Variants in RACGAP1 observed in about 807,000 individuals in gnomAD.
RACGAP1 encodes rac GTPase-activating protein 1.
RACGAP1 carries 30 observed loss-of-function variants against 78.1 expected under a neutral mutation model. That is an observed-to-expected ratio of 0.38 (90% CI 0.29 to 0.52). RACGAP1 has a LOEUF of 0.52. Ranked by LOEUF, RACGAP1 falls within the 20% of genes least tolerant of loss-of-function variation. The pLI, the probability that RACGAP1 is intolerant of heterozygous loss-of-function variation, is 0.82. For missense variants in RACGAP1, 587 were observed against 777.1 expected, an observed-to-expected ratio of 0.76 and a Z score of 2.91; for synonymous variants, 231 against 264.8, an observed-to-expected ratio of 0.87 and a Z score of 1.24.
intron 2 of RACGAP1, among the ~76,000 whole-genome samples, chr12:50,013,258 AC>A (rs879775099): frequency 2.0e-4 from 31 of 152,326 alleles, no homozygotes; most frequent in Middle Eastern, 6.8e-3. Flanking sequence ...AAGTATTTTC[AC>A]AACTAATATC....
chr12:50,009,321 A>G (rs1354670403), intron 2 of RACGAP1, among the ~76,000 whole-genome samples: 2 of 151,972 alleles, frequency 1.3e-5, no homozygotes, highest in African/African-American at 4.8e-5. Flanking sequence ...ACCCTAAACT[A>G]TGAAGTGCCC....
At chr12:49,991,479 A>ATATATATATATTTATTT (rs1555169074) in intron 15 of RACGAP1, among the ~76,000 whole-genome samples, 1 of 24,094 alleles carries the variant, frequency 4.2e-5, no homozygotes, top group African/African-American at 1.4e-4. Context: ...ATATATATAT[A>ATATATATATATTTATTT]TTTTTTTTTT....
At chr12:50,025,659 GGTTTTTTTT>G, upstream of RACGAP1, 1 of 633,016 alleles carries the variant, frequency 1.6e-6, no homozygotes, top group East Asian at 1.4e-4. Context: ...ACGGTTTTTC[GGTTTTTTTT>G]GTTTTTTTTT....
chr12:50,030,307 C>A (rs1950320154), upstream of RACGAP1, among the ~76,000 whole-genome samples: 1 of 150,806 alleles, frequency 6.6e-6, no homozygotes, highest in Non-Finnish European at 1.5e-5. Flanking sequence ...TATGATTGCA[C>A]CACTGCACTC....
In RACGAP1 at chr12:50,016,871, T is replaced by C. The variant is rs1949713207; in HGVS notation, c.-4-152A>G. Reference sequence around the variant, plus strand: ...TCAAGCTAACAACAGATGTTTTGTGTGATTCTTATTATAAAAACAAACTTG... The same window carrying C: ...TCAAGCTAACAACAGATGTTTTGTGCGATTCTTATTATAAAAACAAACTTG... On this transcript the variant is annotated intron_variant, in intron 1 of 16. Coordinates refer to ENST00000312377, the MANE Select transcript of RACGAP1 (RefSeq NM_001319999.2). 4 of 1,367,534 alleles carry C rather than the reference T, an allele frequency of 2.9e-6. No homozygotes were observed. The South Asian group carries it at 6.4e-5, about 22-fold the overall frequency. The allele number at this position is 1,367,534 out of a possible 1,614,324, so 84.7% of individuals were successfully genotyped here. A position where few individuals can be genotyped will look rare whatever the true frequency, so the allele number is the denominator to read the frequency against.
At position 50,008,504 on chromosome 12, in the gene RACGAP1, T is replaced by A. The variant is rs555438468; in HGVS notation, c.86-1868A>T. Among the ~76,000 whole-genome samples the A allele has an allele frequency of 6.6e-5, 10 of 150,968 alleles. No individual in the cohort carries two copies. In the East Asian group the frequency reaches 2.0e-3, roughly 30 times the overall value. On this transcript the variant is annotated intron_variant, in intron 2 of 16. Coordinates refer to ENST00000312377, the MANE Select transcript of RACGAP1 (RefSeq NM_001319999.2). ...GTTAGCCACTGTGCCCAGCCTACTTTTCACTTTTGAGACAGTCTTCCTCTG... is the reference window on the plus strand; with the variant it reads ...GTTAGCCACTGTGCCCAGCCTACTTATCACTTTTGAGACAGTCTTCCTCTG...
chr12:50,005,429 C>T lies in RACGAP1; in HGVS notation c.289-37G>A. The T allele has an allele frequency of 6.2e-7, 1 of 1,609,408 alleles. No individual in the cohort carries two copies. The highest frequency in any genetic ancestry group is 8.5e-7 in the Non-Finnish European group (1 of 1,177,762). Reference sequence around the variant, plus strand: ...AGCAAAGTAAAACATCATAACTAGCCAGGGGAGAAAGCTTCACCTCAAGTT... The same window carrying T: ...AGCAAAGTAAAACATCATAACTAGCTAGGGGAGAAAGCTTCACCTCAAGTT... On this transcript the variant is annotated intron_variant, in intron 3 of 16. Coordinates refer to ENST00000312377, the MANE Select transcript of RACGAP1 (RefSeq NM_001319999.2).
intron 2 of RACGAP1, among the ~76,000 whole-genome samples, chr12:50,015,817 A>T (rs1384920321): frequency 6.6e-6 from 1 of 150,682 alleles, no homozygotes; most frequent in Admixed American, 6.6e-5. Flanking sequence ...TAAAAAAAAA[A>T]TTAAAAAAAT....
chr12:49,992,171 TCA>T (rs747291079), intron 14 of RACGAP1, 38 bp from the exon 15 acceptor site: 1 of 1,612,688 alleles, frequency 6.2e-7, no homozygotes, highest in Non-Finnish European at 8.5e-7. Context: ...CTTCCAAAGC[TCA>T]GGGCTTCTCA....
At chr12:50,025,278 C>CCTGTCCCG (rs996019425) in intron 1 of RACGAP1, 120 bp downstream of exon 1, 37 of 983,754 alleles carry the variant, frequency 3.8e-5, no homozygotes, top group East Asian at 2.3e-4. Flanking sequence ...TGGCTGCCAG[C>CCTGTCCCG]CTGTCCCGCT....
chr12:50,003,214 AGTG>A (rs1269141045), intron 5 of RACGAP1, among the ~76,000 whole-genome samples: 6 of 152,168 alleles, frequency 3.9e-5, no homozygotes, highest in Non-Finnish European at 8.8e-5. Context: ...ATCTAGAAAC[AGTG>A]GTATACAGCA....
chr12:50,023,751 GA>G (rs931942007), intron 1 of RACGAP1, among the ~76,000 whole-genome samples: 3 of 149,558 alleles, frequency 2.0e-5, no homozygotes, highest in African/African-American at 4.9e-5. Flanking sequence ...AAAAGAAAAA[GA>G]AAAAAAAAGT....
rs1950234926 is a variant in RACGAP1, at chr12:50,025,410, G to A, written c.-17C>T. On this transcript the variant is annotated 5_prime_UTR_variant, in exon 1 of 17. Transcript: ENST00000312377. ...CCCCACTACTCACTTCAGTCAGCCT[G>A]GCCCCACCTGGGCCACCCTTCACTT... The A allele has an allele frequency of 5.1e-6, 5 of 985,746 alleles. No individual in the cohort carries two copies. The highest frequency in any genetic ancestry group is 6.0e-6 in the Non-Finnish European group (5 of 830,172). 61.1% of individuals were successfully genotyped at this position (985,746 alleles called of 1,614,324 possible).
intron 2 of RACGAP1, among the ~76,000 whole-genome samples, chr12:50,010,676 T>C (rs1949266964): frequency 6.6e-6 from 1 of 151,314 alleles, no homozygotes; most frequent in Non-Finnish European, 1.5e-5. Context: ...CTCACGCTTG[T>C]AATCCCAGCA....
chr12:50,007,476 C>T (rs1284117846), intron 2 of RACGAP1, among the ~76,000 whole-genome samples: 1 of 152,176 alleles, frequency 6.6e-6, no homozygotes, highest in African/African-American at 2.4e-5. Flanking sequence ...CCGTCTATCT[C>T]TAAGGATCAC....
chr12:50,019,421 A>C (rs957495993), intron 1 of RACGAP1, among the ~76,000 whole-genome samples: 1 of 152,058 alleles, frequency 6.6e-6, no homozygotes, highest in African/African-American at 2.4e-5. Flanking sequence ...GATGCTCACA[A>C]AAAAAAATTG....
At position 49,997,169 on chromosome 12, in the gene RACGAP1, C is replaced by T. The variant is rs1410131801; in HGVS notation, c.915G>A (p.Lys305=). 1.2e-6 allele frequency: 2 copies of T among 1,607,868 alleles called. No homozygotes were observed. The highest frequency in any genetic ancestry group is 3.3e-5 in the Admixed American group (2 of 59,802). ...IKPESCVPCG[K]RIKFGKLSLK... ...GAGATAATTTGCCAAATTTTATCCG[C>T]TTTCCACATGGAACACAGGATTCAG... Residue 305 remains lysine, a synonymous_variant, in exon 10 of 17, where the codon AAG becomes AAA. Coordinates refer to ENST00000312377, the MANE Select transcript of RACGAP1 (RefSeq NM_001319999.2).
intron 9 of RACGAP1, among the ~76,000 whole-genome samples, chr12:49,997,837 C>T (rs940859843): frequency 6.6e-6 from 1 of 152,070 alleles, no homozygotes; most frequent in Non-Finnish European, 1.5e-5. Flanking sequence ...GTCAGTCTCC[C>T]TAAGTGCTGG....
chr12:49,997,138 A>T lies in RACGAP1; in HGVS notation c.946T>A (p.Cys316Ser). The T allele has an allele frequency of 6.2e-7, 1 of 1,610,704 alleles. No individual in the cohort carries two copies. Among genetic ancestry groups the T allele is most frequent in the Non-Finnish European group, 8.5e-7 (1 of 1,177,396 alleles). ...RIKFGKLSLK[C>S]RDCRVVSHPE... is the part of the protein sequence containing the mutation. ...TGAGAGACCACACGACAGTCTCGAC[A>T]CTTCAGAGATAATTTGCCAAATTTT... The change falls in exon 10 of 17, where the codon TGT (cysteine) becomes AGT (serine). Residue 316 changes from cysteine to serine, a missense_variant. Transcript: ENST00000312377.
Sources: allele counts gnomAD v4.1 joint callset (sites outside exome capture counted in the v4.1 genomes callset), GRCh38; gene constraint gnomAD v4.1.1; transcripts MANE v1.5; gene names NCBI Gene and HGNC (gene_info 2026-07-23, HGNC 2026-07-21).